SQOR: variants seen among roughly 807,000 people sequenced by gnomAD.
SQOR encodes the protein sulfide quinone oxidoreductase.
Under a neutral mutation model 48.6 loss-of-function variants are expected in SQOR, and 39 were observed. The observed-to-expected ratio is 0.80, with a 90% CI of 0.62 to 1.05. The LOEUF (loss-of-function observed/expected upper bound fraction) is 1.05. Ranked by LOEUF, SQOR falls within the 50% of genes least tolerant of loss-of-function variation. The probability of loss-of-function intolerance (pLI) is 0.00; values close to 1 mark genes in which losing one functional copy is unlikely to be tolerated. For synonymous variants in SQOR, 220 were observed against 206.2 expected, an observed-to-expected ratio of 1.07 and a Z score of -0.57; for missense variants, 561 against 559.9, an observed-to-expected ratio of 1.00 and a Z score of -0.02.
At chr15:45,652,412 G>C (rs1395758612) in intron 1 of SQOR, among the ~76,000 whole-genome samples, 1 of 152,058 alleles carries the variant, frequency 6.6e-6, no homozygotes, top group Non-Finnish European at 1.5e-5. Context: ...TCAGCTCACA[G>C]CCACCACCAC....
chr15:45,669,744 A>G (rs1262741551), intron 3 of SQOR, among the ~76,000 whole-genome samples, 184 bp from the exon 4 acceptor site: 1 of 152,144 alleles, frequency 6.6e-6, no homozygotes, highest in Non-Finnish European at 1.5e-5. Flanking sequence ...CATTCAGATT[A>G]AAAAATGGGA....
At chr15:45,643,562 ATACACT>A (rs1292670352) in intron 1 of SQOR, among the ~76,000 whole-genome samples, 3 of 152,214 alleles carry the variant, frequency 2.0e-5, no homozygotes, top group Non-Finnish European at 4.4e-5. Context: ...TTTCACAAAG[ATACACT>A]TACATATTTA....
At position 45,656,604 on chromosome 15, in the gene SQOR, T is replaced by C. The variant is rs571163082; in HGVS notation, c.-17-2303T>C. On this transcript the variant is annotated intron_variant, in intron 1 of 9. Transcript: ENST00000260324. ...ACCATGCCCAGCCAATATTAATGTA[T>C]GTGTATAGTAGAGACTTTTATAAAA... Among the ~76,000 whole-genome samples, 19 of 152,098 alleles carry C rather than the reference T, an allele frequency of 1.2e-4. 1 individual carries two copies. In the South Asian group the frequency reaches 3.3e-3, roughly 27 times the overall value.
intron 4 of SQOR, among the ~76,000 whole-genome samples, chr15:45,671,855 A>C (rs1232953865): frequency 6.6e-6 from 1 of 152,130 alleles, no homozygotes. Context: ...ACGGCTCCCC[A>C]GTGCACAGCC....
At chr15:45,678,130 G>A (rs559632426) in intron 6 of SQOR, among the ~76,000 whole-genome samples, 4 of 152,208 alleles carry the variant, frequency 2.6e-5, no homozygotes, top group Non-Finnish European at 5.9e-5. Flanking sequence ...CAGCAGTCAA[G>A]ATGTGGTCCA....
intron 2 of SQOR, among the ~76,000 whole-genome samples, chr15:45,659,509 C>A (rs911434425): frequency 6.6e-6 from 1 of 152,196 alleles, no homozygotes; most frequent in African/African-American, 2.4e-5. Flanking sequence ...CAAGGCCATG[C>A]TCCCTCTGCA....
At chr15:45,651,199 C>T (rs1188882894) in intron 1 of SQOR, among the ~76,000 whole-genome samples, 5 of 152,190 alleles carry the variant, frequency 3.3e-5, no homozygotes, top group East Asian at 1.9e-4. Context: ...GCAGCACCTG[C>T]GGGCCGGCAC....
At chr15:45,653,999 G>A (rs1460808439) in intron 1 of SQOR, among the ~76,000 whole-genome samples, 2 of 151,876 alleles carry the variant, frequency 1.3e-5, no homozygotes, top group Admixed American at 1.3e-4. Context: ...GTTTGTGCCT[G>A]TAATCCCAGC....
intron 4 of SQOR, among the ~76,000 whole-genome samples, chr15:45,670,964 G>A (rs1889930264): frequency 6.6e-6 from 1 of 152,182 alleles, no homozygotes; most frequent in Admixed American, 6.5e-5. Context: ...CCCCCACAGT[G>A]TTGACCTAGC....
intron 1 of SQOR, among the ~76,000 whole-genome samples, chr15:45,637,889 ACTAT>A (rs1396219217): frequency 2.6e-5 from 4 of 152,216 alleles, no homozygotes; most frequent in African/African-American, 9.6e-5. Flanking sequence ...TCCCTGCTCC[ACTAT>A]CTACTATATA....
chr15:45,654,587 G>A (rs1889560431), intron 1 of SQOR, among the ~76,000 whole-genome samples: 1 of 152,188 alleles, frequency 6.6e-6, no homozygotes, highest in Non-Finnish European at 1.5e-5. Flanking sequence ...TGAAGTATTA[G>A]ACTGGAAGGG....
At chr15:45,680,084 T>G (rs1890101272) in intron 6 of SQOR, among the ~76,000 whole-genome samples, 2 of 147,144 alleles carry the variant, frequency 1.4e-5, no homozygotes, top group African/African-American at 4.9e-5. Flanking sequence ...TGTTTGTTTT[T>G]TTCTTTCTTT....
At chr15:45,690,413 C>T (rs1203239930) in intron 9 of SQOR, among the ~76,000 whole-genome samples, 1 of 152,152 alleles carries the variant, frequency 6.6e-6, no homozygotes, top group East Asian at 1.9e-4. Flanking sequence ...CTTTTCTAAA[C>T]CCATATGAGA....
chr15:45,675,160 G>A (rs1308710073), intron 5 of SQOR, among the ~76,000 whole-genome samples: 1 of 152,112 alleles, frequency 6.6e-6, no homozygotes. Context: ...GAAAGGAGCC[G>A]AGCAAAGGAA....
intron 1 of SQOR, among the ~76,000 whole-genome samples, chr15:45,647,862 A>AG (rs1431368653): frequency 3.9e-5 from 6 of 152,084 alleles, no homozygotes; most frequent in African/African-American, 1.4e-4. Flanking sequence ...GGCTGCAGTG[A>AG]GTGGAGATCA....
Position 45,689,222 on chromosome 15 carries a change from G to A in SQOR, c.1295+5G>A. The stretch of plus-strand genomic sequence containing the variant: ...GTATTGGAATATGATGCTAAGGTAA[G>A]TGCACTGCCTGGTTCCTGGATGAGG... On this transcript the variant is annotated splice_donor_5th_base_variant and intron_variant, in intron 9 of 9. Coordinates refer to ENST00000260324, the MANE Select transcript of SQOR (RefSeq NM_021199.4). 6.2e-7 allele frequency: 1 copy of A among 1,613,644 alleles called. No homozygotes were observed. The highest frequency in any genetic ancestry group is 8.5e-7 in the Non-Finnish European group (1 of 1,179,740).
At chr15:45,645,553 C>T (rs1260579636) in intron 1 of SQOR, among the ~76,000 whole-genome samples, 2 of 152,214 alleles carry the variant, frequency 1.3e-5, no homozygotes, top group Non-Finnish European at 2.9e-5. Flanking sequence ...AAAAGGCGAA[C>T]ACTCCCGTGA....
chr15:45,681,808 G>T (rs1423368025), intron 6 of SQOR, among the ~76,000 whole-genome samples: 3 of 152,118 alleles, frequency 2.0e-5, no homozygotes, highest in Non-Finnish European at 4.4e-5. Context: ...CACTACCAAA[G>T]GTAACCTTGA....
At chr15:45,677,456 G>T (rs1239446545) in intron 6 of SQOR, among the ~76,000 whole-genome samples, 1 of 152,190 alleles carries the variant, frequency 6.6e-6, no homozygotes, top group Non-Finnish European at 1.5e-5. Flanking sequence ...TGGCCCAACT[G>T]TGTTTGTAGC....
Sources: allele counts gnomAD v4.1 joint callset (sites outside exome capture counted in the v4.1 genomes callset), GRCh38; gene constraint gnomAD v4.1.1; transcripts MANE v1.5; gene names NCBI Gene and HGNC (gene_info 2026-07-23, HGNC 2026-07-21).